NEGR1: variants seen among roughly 807,000 people sequenced by gnomAD.
NEGR1 encodes IgLON family member 4.
A neutral mutation model predicts 40.9 loss-of-function variants in NEGR1; 10 were observed. The ratio of observed to expected loss-of-function variants is 0.24; its 90% CI spans 0.15 to 0.42. The LOEUF (loss-of-function observed/expected upper bound fraction) is 0.42. Ranked by LOEUF, NEGR1 falls within the 10% of genes least tolerant of loss-of-function variation. NEGR1 has a pLI of 1.00. For missense variants in NEGR1, 352 were observed against 438.9 expected, an observed-to-expected ratio of 0.80 and a Z score of 1.77; for synonymous variants, 185 against 166.8, an observed-to-expected ratio of 1.11 and a Z score of -0.84.
chr1:72,220,148 TAC>T (rs2100480366), intron 1 of NEGR1, among the ~76,000 whole-genome samples: 1 of 152,154 alleles, frequency 6.6e-6, no homozygotes, highest in Non-Finnish European at 1.5e-5. Context: ...TCTCTATAGT[TAC>T]AATTACCAAT....
intron 6 of NEGR1, among the ~76,000 whole-genome samples, chr1:71,415,806 G>A (rs1646350996): frequency 6.6e-6 from 1 of 152,030 alleles, no homozygotes; most frequent in Non-Finnish European, 1.5e-5. Flanking sequence ...AGGTTATTTT[G>A]TATGACCCTG....
At chr1:71,883,613 A>T (rs35285032) in intron 2 of NEGR1, among the ~76,000 whole-genome samples, 32,499 of 152,012 alleles carry the variant, frequency 0.21, 4,268 homozygotes, top group East Asian at 0.5. Flanking sequence ...TCTAGGGTAC[A>T]TGTGCACAAC....
chr1:71,414,903 G>A (rs1015758740), intron 6 of NEGR1, among the ~76,000 whole-genome samples: 1 of 152,040 alleles, frequency 6.6e-6, no homozygotes, highest in African/African-American at 2.4e-5. Context: ...CTCTCAGTGT[G>A]GTCGACTAAC....
intron 6 of NEGR1, among the ~76,000 whole-genome samples, chr1:71,431,098 T>A (rs1646465321): frequency 7.0e-6 from 1 of 143,860 alleles, no homozygotes; most frequent in East Asian, 2.1e-4. Context: ...TTTTTTATGA[T>A]CATAAAAAAG....
At chr1:71,496,069 G>A (rs894633562) in intron 6 of NEGR1, among the ~76,000 whole-genome samples, 1 of 152,138 alleles carries the variant, frequency 6.6e-6, no homozygotes, top group African/African-American at 2.4e-5. Flanking sequence ...TGCTCTGCCT[G>A]TGACTGGTAG....
intron 4 of NEGR1, among the ~76,000 whole-genome samples, chr1:71,669,198 C>A (rs980688877): frequency 6.6e-6 from 1 of 151,862 alleles, no homozygotes; most frequent in Non-Finnish European, 1.5e-5. Context: ...AAAATTATAC[C>A]AACATTTATT....
chr1:72,119,236 C>T (rs1490537089), intron 1 of NEGR1, among the ~76,000 whole-genome samples: 2 of 151,880 alleles, frequency 1.3e-5, no homozygotes, highest in African/African-American at 4.8e-5. Context: ...TATATAAATT[C>T]ATATGCTAAT....
At chr1:71,770,546 G>A (rs1469104527) in intron 3 of NEGR1, among the ~76,000 whole-genome samples, 1 of 152,098 alleles carries the variant, frequency 6.6e-6, no homozygotes, top group Non-Finnish European at 1.5e-5. Context: ...TAAATGAAAT[G>A]GTTGATTCCA....
intron 2 of NEGR1, among the ~76,000 whole-genome samples, chr1:71,923,925 T>G (rs1645745595): frequency 1.3e-5 from 2 of 152,048 alleles, no homozygotes; most frequent in Admixed American, 1.3e-4. Flanking sequence ...TTTTCTTTTT[T>G]TGTGGCAGGG....
intron 2 of NEGR1, among the ~76,000 whole-genome samples, chr1:71,897,188 GTAT>G (rs1372038551): frequency 1.3e-5 from 2 of 151,854 alleles, no homozygotes; most frequent in African/African-American, 4.8e-5. Context: ...ATAACTCGAA[GTAT>G]TATTGTCTCT....
intron 2 of NEGR1, among the ~76,000 whole-genome samples, chr1:71,830,090 G>A (rs1011633701): frequency 6.6e-6 from 1 of 151,750 alleles, no homozygotes; most frequent in African/African-American, 2.4e-5. Context: ...CAGGACTCTG[G>A]GGCCCCTATA....
intron 1 of NEGR1, among the ~76,000 whole-genome samples, chr1:72,259,849 G>C (rs1447843163): frequency 6.6e-6 from 1 of 151,996 alleles, no homozygotes; most frequent in Non-Finnish European, 1.5e-5. Flanking sequence ...CGCTATGCAG[G>C]TAGAGTTTAT....
chr1:71,540,925 A>G (rs1647671157), intron 6 of NEGR1, among the ~76,000 whole-genome samples: 1 of 151,540 alleles, frequency 6.6e-6, no homozygotes, highest in Non-Finnish European at 1.5e-5. Context: ...CATGGTGAGA[A>G]CGGGAGCAAA....
At chr1:71,674,120 T>G (rs1197376475) in intron 4 of NEGR1, among the ~76,000 whole-genome samples, 1 of 152,196 alleles carries the variant, frequency 6.6e-6, no homozygotes, top group Non-Finnish European at 1.5e-5. Context: ...TAGCACCATT[T>G]ATTTCTTCTA....
intron 6 of NEGR1, among the ~76,000 whole-genome samples, chr1:71,566,001 G>A (rs1166106444): frequency 6.6e-6 from 1 of 152,040 alleles, no homozygotes; most frequent in Non-Finnish European, 1.5e-5. Context: ...TTGGAGTTAT[G>A]TTGCCACGAG....
chr1:72,213,311 T>A (rs2100466826), intron 1 of NEGR1, among the ~76,000 whole-genome samples: 1 of 152,094 alleles, frequency 6.6e-6, no homozygotes, highest in Non-Finnish European at 1.5e-5. Flanking sequence ...GTAAAACTTT[T>A]GCAAAATGGA....
chr1:72,269,645 G>C (rs1287949156), intron 1 of NEGR1, among the ~76,000 whole-genome samples: 1 of 151,686 alleles, frequency 6.6e-6, no homozygotes, highest in Non-Finnish European at 1.5e-5. Context: ...ATTCATTGCA[G>C]TGACCAATAC....
At chr1:71,736,719 C>T (rs1397652797) in intron 3 of NEGR1, among the ~76,000 whole-genome samples, 1 of 152,120 alleles carries the variant, frequency 6.6e-6, no homozygotes, top group African/African-American at 2.4e-5. Context: ...GATGAGGAAC[C>T]TCAACTGTAA....
intron 4 of NEGR1, among the ~76,000 whole-genome samples, chr1:71,688,356 T>A (rs1479318672): frequency 2.4e-5 from 1 of 42,484 alleles, no homozygotes; most frequent in African/African-American, 8.3e-5. Context: ...ATAGATAGAT[T>A]ATATATATAT....
Sources: gnomAD v4.1 joint callset for allele counts (sites outside exome capture counted in the v4.1 genomes callset) on GRCh38, gnomAD v4.1.1 for gene constraint, MANE v1.5 for transcripts, NCBI Gene and HGNC (gene_info 2026-07-23, HGNC 2026-07-21) for gene names.